Variants in UNC80 observed in about 807,000 individuals in gnomAD.
The protein encoded by UNC80 is unc-80 subunit of NALCN channel complex, also known as protein unc-80 homolog.
A neutral mutation model predicts 384.6 loss-of-function variants in UNC80; 164 were observed. The ratio of observed to expected loss-of-function variants is 0.43; its 90% CI spans 0.38 to 0.49. UNC80 has a LOEUF of 0.49. UNC80 is among the 20% of genes least tolerant of loss of function. UNC80 has a pLI of 0.00. For synonymous variants in UNC80, 1,486 were observed against 1,527.8 expected (o/e 0.97, Z 0.64); for missense variants, 3,330 against 4,143.0 (o/e 0.80, Z 5.39).
chr2:209,845,497 A>T (rs2082106393), intron 21 of UNC80, among the ~76,000 whole-genome samples: 1 of 152,180 alleles, frequency 6.6e-6, no homozygotes, highest in South Asian at 2.1e-4. Context: ...ATTCCTACGG[A>T]TTTTAGCCAT....
chr2:209,902,980 A>G (rs2087597379), intron 28 of UNC80, among the ~76,000 whole-genome samples: 1 of 147,600 alleles, frequency 6.8e-6, no homozygotes, highest in African/African-American at 2.5e-5. Context: ...GATTGGTTCC[A>G]GGGCCTCCCA....
intron 23 of UNC80, among the ~76,000 whole-genome samples, chr2:209,876,522 A>C (rs1364785958): frequency 6.6e-6 from 1 of 152,180 alleles, no homozygotes; most frequent in Non-Finnish European, 1.5e-5. Flanking sequence ...GCAGCCCTTT[A>C]AGCTTTATAA....
chr2:209,958,740 A>G lies in UNC80; in HGVS notation c.7551-379A>G, dbSNP rs372469411. 1.9e-4 allele frequency among the ~76,000 whole-genome samples: 29 copies of G among 152,330 alleles called. No homozygotes were observed. In the East Asian group the frequency reaches 4.4e-3, roughly 23 times the overall value. On this transcript the variant is annotated intron_variant, in intron 49 of 64. Coordinates refer to ENST00000673920, the MANE Select transcript of UNC80 (RefSeq NM_001371986.1). ...ATAAAGCAATAAGTCTCCAGAACTG[A>G]AAGGAAGTCAGCCATGATTCTCCTT... is the stretch of plus-strand genomic sequence containing the variant.
At position 209,994,265 on chromosome 2, in the gene UNC80, G is replaced by T; in HGVS notation, c.9708+1G>T. On this transcript the variant is annotated splice_donor_variant, in intron 64 of 64. Coordinates refer to ENST00000673920, the MANE Select transcript of UNC80 (RefSeq NM_001371986.1). LOFTEE classifies it high-confidence loss of function. ...TCTCCACAGCGTGTCTCCCAAGCAG[G>T]TGAGGGCACTAGAGAAACAGGCAAG... The T allele has an allele frequency of 6.5e-7, 1 of 1,547,888 alleles. No individual in the cohort carries two copies. Among genetic ancestry groups the T allele is most frequent in the Non-Finnish European group, 8.7e-7 (1 of 1,145,154 alleles).
At position 209,839,630 on chromosome 2, in the gene UNC80, A is replaced by G. The variant is rs1055353170; in HGVS notation, c.3250+200A>G. 6.6e-6 allele frequency among the ~76,000 whole-genome samples: 1 copy of G among 152,100 alleles called. No individual in the cohort carries two copies. Among genetic ancestry groups the G allele is most frequent in the Admixed American group, 6.5e-5 (1 of 15,280 alleles). On this transcript the variant is annotated intron_variant, in intron 19 of 64. Transcript: ENST00000673920. The surrounding 1 kb of genome is among the most constrained non-coding windows in gnomAD (Gnocchi z 4.1). ...TGTGCCTCTTCTGTGTGCAATCACTACACTAGCCATCAAGGATTAAATAGC... is the reference window on the plus strand; with the variant it reads ...TGTGCCTCTTCTGTGTGCAATCACTGCACTAGCCATCAAGGATTAAATAGC...
intron 7 of UNC80, among the ~76,000 whole-genome samples, chr2:209,801,844 A>G (rs965420535): frequency 4.6e-5 from 7 of 152,044 alleles, no homozygotes; most frequent in Admixed American, 1.3e-4. Context: ...TATTAATACA[A>G]TTTTTTAACC....
intron 48 of UNC80, among the ~76,000 whole-genome samples, chr2:209,954,853 AGGTAAATTG>A (rs1384558211): frequency 6.6e-6 from 1 of 152,146 alleles, no homozygotes; most frequent in Non-Finnish European, 1.5e-5. Context: ...GGGAATGGTA[AGGTAAATTG>A]GCACCAGAGT....
At chr2:209,925,912 T>TAA (rs2090398243) in intron 35 of UNC80, among the ~76,000 whole-genome samples, 1 of 152,202 alleles carries the variant, frequency 6.6e-6, no homozygotes, top group Non-Finnish European at 1.5e-5. Context: ...ATGTAAGTTT[T>TAA]AATCTGAGAA....
In UNC80 at chr2:209,941,265, T is replaced by A. The variant is rs979310647; in HGVS notation, c.6691T>A (p.Trp2231Arg). ...CCTCGACACTCTTCAGAAAAGCTTG[T>A]GGATCCAGCTGCTGGAGGAAATGTT... is the stretch of plus-strand genomic sequence containing the variant. ...FGLDTLQKSLWIQLLEEMFLG... is the reference protein window; with the variant it reads ...FGLDTLQKSLRIQLLEEMFLG... Residue 2231 changes from tryptophan to arginine, a missense_variant, in exon 44 of 65, where the codon TGG becomes AGG. Trp to Arg is a moderately radical substitution (Grantham distance 101). This residue lies in a region of UNC80 where 1,049 missense variants were observed against 1,488.6 expected (regional missense o/e 0.70). Transcript: ENST00000673920. 2.0e-6 allele frequency: 3 copies of A among 1,537,810 alleles called. No homozygotes were observed. The highest frequency in any genetic ancestry group is 1.8e-6 in the Non-Finnish European group (2 of 1,135,842).
At chr2:209,918,416 G>T in intron 32 of UNC80, 116 bp from the exon 33 acceptor site, 1 of 1,218,156 alleles carries the variant, frequency 8.2e-7, no homozygotes, top group Non-Finnish European at 1.1e-6. Flanking sequence ...TGTTCATTCT[G>T]TGTGAAGTCA....
chr2:209,864,018 G>C (rs545736131), intron 22 of UNC80, among the ~76,000 whole-genome samples: 2 of 151,766 alleles, frequency 1.3e-5, no homozygotes, highest in African/African-American at 4.8e-5. Context: ...TGGGGTTTTT[G>C]TGGGGGCTTT....
At chr2:209,956,480 C>T (rs1055583869) in intron 48 of UNC80, among the ~76,000 whole-genome samples, 3 of 152,198 alleles carry the variant, frequency 2.0e-5, no homozygotes, top group African/African-American at 7.2e-5. Flanking sequence ...CAGCCAGGCA[C>T]CACTCTGCAT....
chr2:209,869,744 C>A (rs575003693), intron 22 of UNC80, among the ~76,000 whole-genome samples: 1 of 152,036 alleles, frequency 6.6e-6, no homozygotes, highest in Admixed American at 6.6e-5. Flanking sequence ...TAATTACCAA[C>A]CTCCCCCTTA....
intron 5 of UNC80, 120 bp downstream of exon 5, chr2:209,786,309 A>G (rs1401321377): frequency 4.6e-6 from 6 of 1,297,774 alleles, no homozygotes; most frequent in Non-Finnish European, 6.2e-6. Context: ...ACATGTAGTT[A>G]TTTAAGTGTC....
chr2:209,912,453 A>T, intron 29 of UNC80, 107 bp from the exon 30 acceptor site: 2 of 591,360 alleles, frequency 3.4e-6, no homozygotes, highest in Non-Finnish European at 5.5e-6. Flanking sequence ...GCCTTTAATT[A>T]TCGCTTCCAC....
At chr2:209,938,844 G>A (rs1263526309) in intron 42 of UNC80, among the ~76,000 whole-genome samples, 1 of 152,058 alleles carries the variant, frequency 6.6e-6, no homozygotes, top group Non-Finnish European at 1.5e-5. Context: ...GTTCCTCAGG[G>A]AGATTATAAC....
intron 60 of UNC80, among the ~76,000 whole-genome samples, chr2:209,984,617 G>C (rs183193006): frequency 7.2e-5 from 11 of 152,136 alleles, no homozygotes; most frequent in Non-Finnish European, 1.2e-4. Context: ...CCAATAAATA[G>C]GTTACTCCTC....
intron 51 of UNC80, among the ~76,000 whole-genome samples, chr2:209,959,969 GAGAA>G (rs572915275): frequency 4.0e-4 from 61 of 152,290 alleles, no homozygotes; most frequent in African/African-American, 1.4e-3. Flanking sequence ...CTCAATAAAA[GAGAA>G]AGAAAGGGAA....
At position 209,999,267 on chromosome 2, in the gene UNC80, A is replaced by G. The variant is rs1447533012; in HGVS notation, c.*3672A>G. The G allele has an allele frequency of 6.6e-6, 1 of 152,248 alleles. No individual in the cohort carries two copies. The highest frequency in any genetic ancestry group is 1.5e-5 in the Non-Finnish European group (1 of 68,038). 9.4% of individuals were successfully genotyped at this position (152,248 alleles called of 1,614,324 possible). ...AAGACTTCTGTGTTTAGGTATGCACATATGATAAAATAAATCTAAAAACAT... is the reference window on the plus strand; with the variant it reads ...AAGACTTCTGTGTTTAGGTATGCACGTATGATAAAATAAATCTAAAAACAT... On this transcript the variant is annotated 3_prime_UTR_variant, in exon 65 of 65. Transcript: ENST00000673920.
Sources: allele counts gnomAD v4.1 joint callset (sites outside exome capture counted in the v4.1 genomes callset), GRCh38; gene constraint gnomAD v4.1.1; regional missense constraint gnomAD v4.1.1; non-coding constraint Gnocchi (gnomAD v3.1); transcripts MANE v1.5; gene names NCBI Gene and HGNC (gene_info 2026-07-23, HGNC 2026-07-21).